Variants in PDE8B observed in about 807,000 individuals in gnomAD.
PDE8B encodes phosphodiesterase 8B, also known as high affinity cAMP-specific and IBMX-insensitive 3',5'-cyclic phosphodiesterase 8B.
In PDE8B, 26 loss-of-function variants were observed where a neutral mutation model predicts 101.3. The observed-to-expected ratio is 0.26, with a 90% CI of 0.19 to 0.36. The LOEUF (loss-of-function observed/expected upper bound fraction) is 0.36. PDE8B is among the 10% of genes least tolerant of loss of function. The probability of loss-of-function intolerance (pLI) is 1.00; values close to 1 mark genes in which losing one functional copy is unlikely to be tolerated. For missense variants in PDE8B, 810 were observed against 1,163.1 expected (o/e 0.70, Z 4.42); for synonymous variants, 424 against 429.3 (o/e 0.99, Z 0.15).
intron 5 of PDE8B, among the ~76,000 whole-genome samples, 199 bp from the exon 6 acceptor site, chr5:77,337,028 A>G (rs1778320005): frequency 6.6e-6 from 1 of 152,234 alleles, no homozygotes; most frequent in Non-Finnish European, 1.5e-5. Flanking sequence ...TGAAGTGTAC[A>G]GTATTACTTG....
intron 1 of PDE8B, chr5:77,290,682 C>G: frequency 6.6e-7 from 1 of 1,505,336 alleles, no homozygotes; most frequent in Non-Finnish European, 9.2e-7. Flanking sequence ...GATTGGAGGA[C>G]CTATCTTGCC....
At chr5:77,152,503 C>T in the PDE8B span, among the ~76,000 whole-genome samples, 2 of 152,236 alleles carry the variant, frequency 1.3e-5, no homozygotes, top group African/African-American at 4.8e-5. Context: ...GCTCTGGAGA[C>T]TCACTTGCCA....
the PDE8B span, among the ~76,000 whole-genome samples, chr5:77,204,095 A>G: frequency 2.0e-5 from 3 of 149,874 alleles, no homozygotes; most frequent in African/African-American, 4.9e-5. Flanking sequence ...AATACCTAAA[A>G]ACCTCAAAGT....
At chr5:77,193,276 T>C in the PDE8B span, among the ~76,000 whole-genome samples, 1 of 152,202 alleles carries the variant, frequency 6.6e-6, no homozygotes, top group African/African-American at 2.4e-5. Context: ...TTTTCCTATG[T>C]TTACTTCTAG....
chr5:77,316,723 T>C (rs1417206806), intron 2 of PDE8B, among the ~76,000 whole-genome samples: 3 of 152,264 alleles, frequency 2.0e-5, no homozygotes, highest in East Asian at 3.9e-4. Context: ...TATTAAAACA[T>C]ACAAAAATAT....
At chr5:77,310,772 C>A (rs959381762) in intron 1 of PDE8B, among the ~76,000 whole-genome samples, 16 of 152,060 alleles carry the variant, frequency 1.1e-4, no homozygotes, top group African/African-American at 3.9e-4. Flanking sequence ...TGGTGAGAGG[C>A]CCAAGCGCCC....
the PDE8B span, chr5:77,165,564 C>A: frequency 6.6e-6 from 1 of 152,106 alleles, no homozygotes; most frequent in Non-Finnish European, 1.5e-5. Context: ...ACTGCAACAA[C>A]AACAAAAACA....
At chr5:77,090,227 G>A in the PDE8B span, among the ~76,000 whole-genome samples, 6 of 152,170 alleles carry the variant, frequency 3.9e-5, no homozygotes, top group Non-Finnish European at 8.8e-5. Context: ...TATTTCCAAA[G>A]AGAAGATTTT....
the PDE8B span, among the ~76,000 whole-genome samples, chr5:77,153,534 C>T: frequency 2.7e-5 from 4 of 149,782 alleles, no homozygotes; most frequent in Admixed American, 2.7e-4. Context: ...TTTTCTGCTT[C>T]TGGCTTTAGC....
chr5:77,276,663 T>C (rs894508323), intron 1 of PDE8B, among the ~76,000 whole-genome samples: 1 of 152,220 alleles, frequency 6.6e-6, no homozygotes, highest in Non-Finnish European at 1.5e-5. Flanking sequence ...GTAGTAGTGA[T>C]TGCAGTGGAA....
intron 1 of PDE8B, among the ~76,000 whole-genome samples, chr5:77,269,175 TG>T (rs889796418): frequency 1.3e-5 from 2 of 152,152 alleles, no homozygotes; most frequent in African/African-American, 4.8e-5. Context: ...CCATTTTAAC[TG>T]GGGTGAGATG....
intron 1 of PDE8B, among the ~76,000 whole-genome samples, chr5:77,242,980 T>G (rs192359078): frequency 9.8e-5 from 15 of 152,326 alleles, no homozygotes; most frequent in African/African-American, 3.6e-4. Flanking sequence ...TTCTTTTTCT[T>G]ATTAGATTTA....
At chr5:77,290,658 G>T in intron 1 of PDE8B, 10 of 1,506,758 alleles carry the variant, frequency 6.6e-6, no homozygotes, top group Non-Finnish European at 9.2e-6. Context: ...CTATGCTGTT[G>T]GTTTATCAAG....
chr5:77,284,575 A>G (rs1195885385), intron 1 of PDE8B, among the ~76,000 whole-genome samples: 7 of 152,246 alleles, frequency 4.6e-5, no homozygotes, highest in African/African-American at 1.2e-4. Flanking sequence ...GAACACATTC[A>G]TAACTATCAC....
intron 1 of PDE8B, among the ~76,000 whole-genome samples, chr5:77,222,708 T>G (rs924898612): frequency 8.5e-5 from 13 of 152,134 alleles, no homozygotes; most frequent in African/African-American, 3.1e-4. Flanking sequence ...GAGTTACGGA[T>G]TGGGAATTGG....
At chr5:77,180,333 C>G in the PDE8B span, 1 of 543,284 alleles carries the variant, frequency 1.8e-6, no homozygotes, top group Non-Finnish European at 2.3e-6. Context: ...AGAGCCTTCA[C>G]GTGGGCACGA....
chr5:77,288,444 C>A (rs1316600821), intron 1 of PDE8B, among the ~76,000 whole-genome samples: 2 of 152,206 alleles, frequency 1.3e-5, no homozygotes, highest in African/African-American at 4.8e-5. Flanking sequence ...CTATCTGATA[C>A]TTTCAAATAG....
the PDE8B span, chr5:77,112,677 G>T: frequency 6.6e-6 from 1 of 152,116 alleles, no homozygotes; most frequent in Admixed American, 6.6e-5. Context: ...AGGCAATCAG[G>T]CAAGAGAAAG....
the PDE8B span, among the ~76,000 whole-genome samples, chr5:77,190,441 G>A: frequency 6.6e-6 from 1 of 152,200 alleles, no homozygotes; most frequent in Non-Finnish European, 1.5e-5. Context: ...GGAAAGATGA[G>A]AACCAATGCA....
Sources: allele counts gnomAD v4.1 joint callset (sites outside exome capture counted in the v4.1 genomes callset), GRCh38; gene constraint gnomAD v4.1.1; transcripts MANE v1.5; gene names NCBI Gene and HGNC (gene_info 2026-07-23, HGNC 2026-07-21).